DOCK1: variants seen among roughly 807,000 people sequenced by gnomAD.
DOCK1 encodes the protein dedicator of cytokinesis 1, also known as dedicator of cytokinesis protein 1.
In DOCK1, 138 loss-of-function variants were observed where a neutral mutation model predicts 262.7. The observed-to-expected ratio is 0.53, with a 90% CI of 0.46 to 0.61. The LOEUF (loss-of-function observed/expected upper bound fraction) is 0.61, where lower values mean the gene tolerates loss of function less well. DOCK1 is among the 20% of genes least tolerant of loss of function. The pLI is 0.00. For missense variants in DOCK1, 1,908 were observed against 2,370.7 expected (o/e 0.80, Z 4.05); for synonymous variants, 866 against 867.4 (o/e 1.00, Z 0.03).
At chr10:127,009,301 GT>G (rs2041257099) in intron 11 of DOCK1, among the ~76,000 whole-genome samples, 1 of 152,146 alleles carries the variant, frequency 6.6e-6, no homozygotes, top group Non-Finnish European at 1.5e-5. Context: ...ATCTGTGTTC[GT>G]TTTTAGGCTT....
chr10:127,361,943 C>G (rs2064480241), intron 32 of DOCK1, 121 bp from the exon 33 acceptor site: 1 of 1,164,754 alleles, frequency 8.6e-7, no homozygotes, highest in Non-Finnish European at 1.2e-6. Flanking sequence ...AATGGATGCA[C>G]ATTTTCGGGA....
At position 127,444,244 on chromosome 10, in the gene DOCK1, C is replaced by T. The variant is rs1350607994; in HGVS notation, c.5378C>T (p.Thr1793Ile). ...TCCCAGCAAACACCCCCTCCAGTTA[C>T]ACCAAGGGCCAAGCTCAGCTTCAGC... ...PSSQQTPPPV[T>I]PRAKLSFSMQ... Residue 1793 changes from threonine to isoleucine, a missense_variant, in exon 50 of 52, where the codon ACA becomes ATA. Physicochemically the swap from Thr to Ile is moderately conservative, Grantham distance 89. Coordinates refer to ENST00000623213, the MANE Select transcript of DOCK1 (RefSeq NM_001290223.2). The T allele has an allele frequency of 3.8e-5, 62 of 1,611,674 alleles. No individual in the cohort carries two copies. The highest frequency in any genetic ancestry group is 5.1e-5 in the Non-Finnish European group (60 of 1,179,174).
chr10:127,111,277 T>C (rs1336539166), intron 25 of DOCK1, among the ~76,000 whole-genome samples: 1 of 152,186 alleles, frequency 6.6e-6, no homozygotes, highest in Non-Finnish European at 1.5e-5. Flanking sequence ...TGTACACGTG[T>C]TGCTAAGGCT....
intron 50 of DOCK1, 74 bp downstream of exon 50, chr10:127,444,353 A>G: frequency 6.7e-7 from 1 of 1,484,942 alleles, no homozygotes. Flanking sequence ...CTCTGAGGTT[A>G]GAAGCGCTTC....
chr10:127,039,477 T>G (rs1189573158), intron 19 of DOCK1, among the ~76,000 whole-genome samples: 2 of 152,188 alleles, frequency 1.3e-5, no homozygotes, highest in African/African-American at 4.8e-5. Context: ...GATTCTCACA[T>G]TTGATTATTC....
At chr10:126,979,877 G>A (rs1435345317) in intron 3 of DOCK1, among the ~76,000 whole-genome samples, 1 of 152,170 alleles carries the variant, frequency 6.6e-6, no homozygotes, top group African/African-American at 2.4e-5. Context: ...GTTGATTGGG[G>A]TGGTGCTGAG....
At chr10:127,330,150 A>G (rs2062914631) in intron 29 of DOCK1, among the ~76,000 whole-genome samples, 1 of 152,314 alleles carries the variant, frequency 6.6e-6, no homozygotes, top group Non-Finnish European at 1.5e-5. Flanking sequence ...ACCTAGAAAC[A>G]GGTGTGAACT....
intron 29 of DOCK1, among the ~76,000 whole-genome samples, chr10:127,284,282 A>T (rs2061069282): frequency 1.3e-5 from 2 of 152,004 alleles, no homozygotes; most frequent in South Asian, 2.1e-4. Flanking sequence ...GTTTTTAAAA[A>T]TTTGTTTTTA....
At chr10:127,094,283 A>G (rs1450790639) in intron 23 of DOCK1, among the ~76,000 whole-genome samples, 1 of 152,190 alleles carries the variant, frequency 6.6e-6, no homozygotes, top group African/African-American at 2.4e-5. Flanking sequence ...TTTGGAGGGG[A>G]CAGATATTTA....
At position 127,426,054 on chromosome 10, in the gene DOCK1, T is replaced by G. The variant is rs750312521; in HGVS notation, c.4914+43T>G. 8.1e-6 allele frequency: 13 copies of G among 1,610,492 alleles called. No individual in the cohort carries two copies. The Admixed American group carries it at 1.5e-4, about 19-fold the overall frequency. ...GTAGTGTTGCAGAAGAGTGGGTGTC[T>G]GGGCATCCCACTGTTGAACAGGGAC... is the stretch of plus-strand genomic sequence containing the variant. On this transcript the variant is annotated intron_variant, in intron 47 of 51. Coordinates refer to ENST00000623213, the MANE Select transcript of DOCK1 (RefSeq NM_001290223.2).
chr10:127,250,512 C>T (rs542789433), intron 28 of DOCK1, among the ~76,000 whole-genome samples: 10 of 151,980 alleles, frequency 6.6e-5, no homozygotes, highest in Admixed American at 3.9e-4. Context: ...TGATGTTGGC[C>T]GGGCGTGGTG....
rs2062255593 is a variant in DOCK1, at chr10:127,315,872, T to G, written c.3045-23134T>G. On this transcript the variant is annotated intron_variant, in intron 29 of 51. Transcript: ENST00000623213. ...TGCCCCCATGCCGGGCCAATTTTTA[T>G]ATTTTTAGTAGAGACGGGGTTTCAC... Among the ~76,000 whole-genome samples, 4 of 152,048 alleles carry G rather than the reference T, an allele frequency of 2.6e-5. 1 individual carries two copies. In the South Asian group the frequency reaches 8.3e-4, roughly 32 times the overall value.
intron 1 of DOCK1, among the ~76,000 whole-genome samples, chr10:126,960,576 C>T (rs1259882854): frequency 6.6e-6 from 1 of 150,998 alleles, no homozygotes; most frequent in Non-Finnish European, 1.5e-5. Flanking sequence ...GGCTGTGGAC[C>T]AAGGCCTGAA....
chr10:127,102,971 T>C (rs2048335685), intron 23 of DOCK1, among the ~76,000 whole-genome samples: 1 of 152,208 alleles, frequency 6.6e-6, no homozygotes, highest in Admixed American at 6.5e-5. Context: ...CCCTGCCCGC[T>C]TCCCCACCAG....
At chr10:127,133,225 G>C (rs2050429713) in intron 27 of DOCK1, among the ~76,000 whole-genome samples, 3 of 152,098 alleles carry the variant, frequency 2.0e-5, no homozygotes, top group Admixed American at 2.0e-4. Context: ...AATAGAATTG[G>C]TTTCCCAGTG....
At chr10:127,221,180 G>C (rs1032488680) in intron 27 of DOCK1, among the ~76,000 whole-genome samples, 1 of 152,190 alleles carries the variant, frequency 6.6e-6, no homozygotes, top group Non-Finnish European at 1.5e-5. Flanking sequence ...TGTTGAATTG[G>C]ATGTGGGTGG....
intron 47 of DOCK1, among the ~76,000 whole-genome samples, chr10:127,431,526 T>C (rs528925311): frequency 2.2e-4 from 33 of 152,340 alleles, no homozygotes; most frequent in African/African-American, 6.0e-4. Flanking sequence ...ATTTCCCTTT[T>C]AGTTTCTTCT....
chr10:127,239,373 G>A (rs2059183079), intron 27 of DOCK1, among the ~76,000 whole-genome samples: 1 of 151,616 alleles, frequency 6.6e-6, no homozygotes, highest in Non-Finnish European at 1.5e-5. Context: ...TTCTCCTTAC[G>A]ATTCATTTAT....
At chr10:127,207,524 G>A (rs1292766474) in intron 27 of DOCK1, among the ~76,000 whole-genome samples, 2 of 152,190 alleles carry the variant, frequency 1.3e-5, no homozygotes, top group African/African-American at 2.4e-5. Flanking sequence ...CAGGAAAATG[G>A]GAGAGTATTC....
Sources: gnomAD v4.1 joint callset for allele counts (sites outside exome capture counted in the v4.1 genomes callset) on GRCh38, gnomAD v4.1.1 for gene constraint, MANE v1.5 for transcripts, NCBI Gene and HGNC (gene_info 2026-07-23, HGNC 2026-07-21) for gene names.